KCNMA1: variants seen among roughly 807,000 people sequenced by gnomAD.
The protein encoded by KCNMA1 is Calcium-activated potassium channel subunit alpha-1.
In KCNMA1, 29 loss-of-function variants were observed where a neutral mutation model predicts 140.0. The ratio of observed to expected loss-of-function variants is 0.21; its 90% CI spans 0.15 to 0.28. The LOEUF (loss-of-function observed/expected upper bound fraction) is 0.28. Ranked by LOEUF, KCNMA1 falls within the 10% of genes least tolerant of loss-of-function variation. KCNMA1 has a pLI of 1.00. For missense variants in KCNMA1, 880 were observed against 1,602.2 expected, an observed-to-expected ratio of 0.55 and a Z score of 7.70; for synonymous variants, 612 against 611.9, an observed-to-expected ratio of 1.00 and a Z score of 0.00.
intron 19 of KCNMA1, chr10:76,980,619 C>T (rs1441570984): frequency 6.6e-6 from 1 of 152,120 alleles, no homozygotes; most frequent in African/African-American, 2.4e-5. Context: ...AATTAAAAAT[C>T]TTGTAGAGGA....
At chr10:77,352,079 C>T (rs938483749) in intron 2 of KCNMA1, among the ~76,000 whole-genome samples, 1 of 152,376 alleles carries the variant, frequency 6.6e-6, no homozygotes, top group African/African-American at 2.4e-5. Flanking sequence ...CCTATGCTGG[C>T]TTTCTGGCCA....
chr10:76,932,227 T>C (rs1464649899), intron 23 of KCNMA1, among the ~76,000 whole-genome samples: 1 of 152,194 alleles, frequency 6.6e-6, no homozygotes, highest in Non-Finnish European at 1.5e-5. Context: ...TCAAACATAT[T>C]AGTAGATTAT....
At chr10:77,567,548 G>C (rs767549188) in intron 1 of KCNMA1, among the ~76,000 whole-genome samples, 1 of 152,204 alleles carries the variant, frequency 6.6e-6, no homozygotes, top group Admixed American at 6.5e-5. Context: ...CTTCCTAAGG[G>C]AGAAACTATT....
At chr10:76,887,909 A>T in intron 27 of KCNMA1, 1 of 271,282 alleles carries the variant, frequency 3.7e-6, no homozygotes, top group South Asian at 4.4e-5. Context: ...ACATCACAAG[A>T]TCTTTGTTTA....
intron 13 of KCNMA1, among the ~76,000 whole-genome samples, chr10:77,078,779 T>C (rs2096477692): frequency 6.6e-6 from 1 of 152,238 alleles, no homozygotes; most frequent in South Asian, 2.1e-4. Flanking sequence ...ACACAGTATG[T>C]ATTCAATAAA....
chr10:77,331,021 C>T (rs1003709978), intron 2 of KCNMA1, among the ~76,000 whole-genome samples: 5 of 152,134 alleles, frequency 3.3e-5, no homozygotes, highest in Admixed American at 3.3e-4. Flanking sequence ...CTCCAACGTA[C>T]AGAGCCACAC....
At chr10:77,617,216 A>T (rs1235270420) in intron 1 of KCNMA1, among the ~76,000 whole-genome samples, 1 of 152,240 alleles carries the variant, frequency 6.6e-6, no homozygotes, top group Non-Finnish European at 1.5e-5. Flanking sequence ...GGTGAAGCAC[A>T]TCACCACAGG....
In KCNMA1 at chr10:77,172,030, C is replaced by T. The variant is rs2098713046; in HGVS notation, c.808+11391G>A. Among the ~76,000 whole-genome samples the T allele has an allele frequency of 2.6e-5, 4 of 152,282 alleles. No homozygotes were observed. The South Asian group carries it at 8.3e-4, about 32-fold the overall frequency. On this transcript the variant is annotated intron_variant, in intron 5 of 27. Coordinates refer to ENST00000286628, the MANE Select transcript of KCNMA1 (RefSeq NM_001161352.2). ...CTCCTAGCACCTAGGGATTTGCACA[C>T]AGTAGGTGTTCAGCTGAATAATGCA...
At chr10:77,600,512 G>A (rs1011222235) in intron 1 of KCNMA1, among the ~76,000 whole-genome samples, 1 of 152,198 alleles carries the variant, frequency 6.6e-6, no homozygotes, top group African/African-American at 2.4e-5. Flanking sequence ...ACTTTGGGAT[G>A]CCAAGGCAGG....
At chr10:77,201,885 C>T (rs558754788) in intron 3 of KCNMA1, among the ~76,000 whole-genome samples, 6 of 152,030 alleles carry the variant, frequency 3.9e-5, no homozygotes, top group South Asian at 2.1e-4. Context: ...TACAGCAGTA[C>T]GCCAATATCA....
intron 1 of KCNMA1, among the ~76,000 whole-genome samples, chr10:77,514,903 T>G (rs1261943089): frequency 2.0e-5 from 3 of 152,120 alleles, no homozygotes; most frequent in Non-Finnish European, 2.9e-5. Context: ...GTTTTGTTTT[T>G]TTTTGTTTTT....
chr10:77,415,006 C>A (rs1440800408), intron 1 of KCNMA1, among the ~76,000 whole-genome samples: 1 of 152,196 alleles, frequency 6.6e-6, no homozygotes, highest in Non-Finnish European at 1.5e-5. Context: ...ACTGAAACAA[C>A]CATCTCACAA....
chr10:76,977,210 C>T (rs1346145192), intron 19 of KCNMA1, among the ~76,000 whole-genome samples: 1 of 152,158 alleles, frequency 6.6e-6, no homozygotes, highest in East Asian at 1.9e-4. Flanking sequence ...TGAAACCTGC[C>T]ACATCCTGGG....
chr10:77,338,479 C>T (rs2089942707), intron 2 of KCNMA1, among the ~76,000 whole-genome samples: 1 of 152,176 alleles, frequency 6.6e-6, no homozygotes, highest in African/African-American at 2.4e-5. Context: ...AGCCAGAGGC[C>T]CTTACAGACC....
At chr10:76,974,441 G>T in intron 19 of KCNMA1, 3 of 1,099,168 alleles carry the variant, frequency 2.7e-6, no homozygotes, top group Non-Finnish European at 4.1e-6. Flanking sequence ...GTTGAGGGCT[G>T]CAGGGTAGTT....
At position 76,977,824 on chromosome 10, in the gene KCNMA1, A is replaced by C. The variant is rs1592583567; in HGVS notation, c.2267-7757T>G. On this transcript the variant is annotated intron_variant, in intron 19 of 27. Coordinates refer to ENST00000286628, the MANE Select transcript of KCNMA1 (RefSeq NM_001161352.2). The stretch of plus-strand genomic sequence containing the variant: ...AGTCAGGTGAGTTTCACATTTTCCA[A>C]CTCAAGCTAAGTTAGATTCATCCAC... The C allele has an allele frequency of 3.1e-5, 18 of 577,736 alleles. No homozygotes were observed. The East Asian group carries it at 5.1e-4, about 16-fold the overall frequency. The allele number at this position is 577,736 out of a possible 1,614,324, so 35.8% of individuals were successfully genotyped here. A position where few individuals can be genotyped will look rare whatever the true frequency, so the allele number is the denominator to read the frequency against.
chr10:77,483,292 G>C (rs1187090656), intron 1 of KCNMA1, among the ~76,000 whole-genome samples: 2 of 152,162 alleles, frequency 1.3e-5, no homozygotes, highest in Non-Finnish European at 2.9e-5. Flanking sequence ...CTTTTACAAG[G>C]GAAGGACATC....
chr10:77,198,834 C>G (rs1038358646), intron 3 of KCNMA1, among the ~76,000 whole-genome samples: 1 of 152,094 alleles, frequency 6.6e-6, no homozygotes, highest in East Asian at 1.9e-4. Context: ...TTCCTGCCTC[C>G]TAGTTCTGAC....
chr10:76,908,463 T>C (rs2048712100), intron 25 of KCNMA1, among the ~76,000 whole-genome samples: 1 of 152,218 alleles, frequency 6.6e-6, no homozygotes, highest in Non-Finnish European at 1.5e-5. Flanking sequence ...AAATCCAAAA[T>C]TCTGATTTTT....
Sources: gnomAD v4.1 joint callset for allele counts (sites outside exome capture counted in the v4.1 genomes callset) on GRCh38, gnomAD v4.1.1 for gene constraint, MANE v1.5 for transcripts, NCBI Gene and HGNC (gene_info 2026-07-23, HGNC 2026-07-21) for gene names.